RBFOX1: variants seen among roughly 807,000 people sequenced by gnomAD.
The protein encoded by RBFOX1 is RNA binding fox-1 homolog 1.
In RBFOX1, 8 loss-of-function variants were observed where a neutral mutation model predicts 57.7. The ratio of observed to expected loss-of-function variants is 0.14; its 90% CI spans 0.08 to 0.25. The LOEUF (loss-of-function observed/expected upper bound fraction) is 0.25, where lower values mean the gene tolerates loss of function less well. RBFOX1 is among the 10% of genes least tolerant of loss of function. The pLI is 1.00. For synonymous variants in RBFOX1, 326 were observed against 222.4 expected (o/e 1.47, Z -4.15); for missense variants, 611 against 548.5 (o/e 1.11, Z -1.14).
intron 4 of RBFOX1, among the ~76,000 whole-genome samples, chr16:7,074,229 G>T (rs939417663): frequency 6.6e-6 from 1 of 152,292 alleles, no homozygotes; most frequent in Non-Finnish European, 1.5e-5. Context: ...ATAACTGTTT[G>T]AAATATTGTA....
At chr16:7,375,595 C>A (rs1387056937) in intron 4 of RBFOX1, among the ~76,000 whole-genome samples, 3 of 151,700 alleles carry the variant, frequency 2.0e-5, no homozygotes, top group Non-Finnish European at 4.4e-5. Flanking sequence ...CTTCTCGATC[C>A]CCTAGTTCTT....
chr16:6,285,635 A>G (rs748374583), intron 1 of RBFOX1, among the ~76,000 whole-genome samples: 8 of 152,130 alleles, frequency 5.3e-5, no homozygotes, highest in Non-Finnish European at 1.2e-4. Flanking sequence ...TAGGATGTAA[A>G]TGACCATCAC....
At chr16:5,349,184 A>C (rs1018802945) in intron 1 of RBFOX1, among the ~76,000 whole-genome samples, 1 of 152,214 alleles carries the variant, frequency 6.6e-6, no homozygotes, top group Non-Finnish European at 1.5e-5. Flanking sequence ...GAAGTAAACC[A>C]ATCACCGAAG....
chr16:6,589,428 G>C (rs2097678875), intron 2 of RBFOX1, among the ~76,000 whole-genome samples: 2 of 152,214 alleles, frequency 1.3e-5, no homozygotes, highest in South Asian at 2.1e-4. Flanking sequence ...GAAAGTGGAA[G>C]TGCTGACTGG....
intron 3 of RBFOX1, among the ~76,000 whole-genome samples, chr16:5,630,107 G>A (rs1300106175): frequency 6.6e-6 from 1 of 152,164 alleles, no homozygotes; most frequent in Non-Finnish European, 1.5e-5. Context: ...AGTCATTTGA[G>A]GCTCAGAGGC....
At chr16:6,472,565 C>G (rs867966286) in intron 2 of RBFOX1, among the ~76,000 whole-genome samples, 1 of 152,010 alleles carries the variant, frequency 6.6e-6, no homozygotes, top group African/African-American at 2.4e-5. Context: ...GTCATCATCT[C>G]TCTGATGACA....
chr16:6,586,127 A>G (rs749636636), intron 2 of RBFOX1, among the ~76,000 whole-genome samples: 1 of 152,228 alleles, frequency 6.6e-6, no homozygotes, highest in Non-Finnish European at 1.5e-5. Flanking sequence ...AATGTTTGTT[A>G]TGATCAATTC....
chr16:7,681,755 C>T (rs1331916489), intron 14 of RBFOX1, among the ~76,000 whole-genome samples: 1 of 151,814 alleles, frequency 6.6e-6, no homozygotes, highest in East Asian at 1.9e-4. Context: ...ATAGTTTAAC[C>T]TGTGGATAAT....
chr16:6,474,592 A>G (rs539887337), intron 2 of RBFOX1, among the ~76,000 whole-genome samples: 13 of 152,290 alleles, frequency 8.5e-5, no homozygotes, highest in African/African-American at 2.2e-4. Context: ...GGGCTGTTCT[A>G]TGCTACTTTA....
At chr16:7,128,469 G>C (rs1477549450) in intron 4 of RBFOX1, among the ~76,000 whole-genome samples, 1 of 152,178 alleles carries the variant, frequency 6.6e-6, no homozygotes, top group Non-Finnish European at 1.5e-5. Context: ...ACATCAGCGG[G>C]GATAGTTCGG....
At chr16:5,275,561 T>C (rs778688537) in intron 1 of RBFOX1, among the ~76,000 whole-genome samples, 1 of 152,156 alleles carries the variant, frequency 6.6e-6, no homozygotes, top group Non-Finnish European at 1.5e-5. Flanking sequence ...GGAAACACAT[T>C]CCATGCTCAT....
At chr16:6,767,159 C>G (rs1427239668) in intron 3 of RBFOX1, among the ~76,000 whole-genome samples, 1 of 152,140 alleles carries the variant, frequency 6.6e-6, no homozygotes, top group Non-Finnish European at 1.5e-5. Flanking sequence ...AGAGCTGGCT[C>G]CTTACCGAGC....
intron 3 of RBFOX1, among the ~76,000 whole-genome samples, chr16:6,987,556 T>C (rs1372533156): frequency 1.3e-5 from 2 of 151,642 alleles, no homozygotes; most frequent in Admixed American, 6.6e-5. Flanking sequence ...GGCACATCTA[T>C]ACATAAGCAT....
At chr16:6,940,484 G>A (rs917561111) in intron 3 of RBFOX1, among the ~76,000 whole-genome samples, 1 of 152,148 alleles carries the variant, frequency 6.6e-6, no homozygotes, top group Non-Finnish European at 1.5e-5. Context: ...GATAATTTAG[G>A]TAAATATTGA....
At chr16:6,672,528 AAAG>A (rs2098772978) in intron 3 of RBFOX1, among the ~76,000 whole-genome samples, 1 of 151,666 alleles carries the variant, frequency 6.6e-6, no homozygotes, top group African/African-American at 2.4e-5. Flanking sequence ...AGAAAAAAGA[AAAG>A]AAAGAACAGG....
intron 4 of RBFOX1, among the ~76,000 whole-genome samples, chr16:7,282,661 G>T (rs977297272): frequency 6.6e-6 from 1 of 152,078 alleles, no homozygotes; most frequent in African/African-American, 2.4e-5. Context: ...TGATTTGTGA[G>T]ATTTGGGTGC....
intron 4 of RBFOX1, among the ~76,000 whole-genome samples, chr16:5,993,694 T>C (rs1567231887): frequency 1.3e-5 from 2 of 152,184 alleles, no homozygotes; most frequent in Non-Finnish European, 1.5e-5. Context: ...GTTGTGTCGC[T>C]GCATTAATTA....
intron 1 of RBFOX1, among the ~76,000 whole-genome samples, chr16:6,135,002 G>A (rs901498340): frequency 6.6e-6 from 1 of 151,506 alleles, no homozygotes; most frequent in South Asian, 2.1e-4. Flanking sequence ...CCCCTCCCCT[G>A]ACCCCACTAC....
intron 1 of RBFOX1, among the ~76,000 whole-genome samples, chr16:5,357,146 T>C (rs1193515998): frequency 6.6e-6 from 1 of 152,192 alleles, no homozygotes. Flanking sequence ...CCTCTTGGGC[T>C]CACTGCTCGA....
Sources: gnomAD v4.1 joint callset for allele counts (sites outside exome capture counted in the v4.1 genomes callset) on GRCh38, gnomAD v4.1.1 for gene constraint, MANE v1.5 for transcripts, NCBI Gene and HGNC (gene_info 2026-07-23, HGNC 2026-07-21) for gene names.